ACOT11: variants seen among roughly 807,000 people sequenced by gnomAD.
ACOT11 encodes the protein acyl-coenzyme A thioesterase 11.
Under a neutral mutation model 77.5 loss-of-function variants are expected in ACOT11, and 69 were observed. The ratio of observed to expected loss-of-function variants is 0.89; its 90% CI spans 0.73 to 1.09. The LOEUF is 1.09. ACOT11 is among the 50% of genes least tolerant of loss of function. The pLI, the probability that ACOT11 is intolerant of heterozygous loss-of-function variation, is 0.00. For missense variants in ACOT11, 766 were observed against 813.7 expected, an observed-to-expected ratio of 0.94 and a Z score of 0.71; for synonymous variants, 279 against 313.0, an observed-to-expected ratio of 0.89 and a Z score of 1.15.
intron 1 of ACOT11, among the ~76,000 whole-genome samples, chr1:54,550,110 A>G (rs947872402): frequency 1.6e-4 from 24 of 152,204 alleles, no homozygotes; most frequent in Admixed American, 1.3e-4. Context: ...CCAAGATCAC[A>G]CTGGTAGGAA....
At chr1:54,548,467 C>A in intron 1 of ACOT11, 125 bp downstream of exon 1, 2 of 1,260,264 alleles carry the variant, frequency 1.6e-6, no homozygotes, top group Non-Finnish European at 2.2e-6. Context: ...CATTTTCTAG[C>A]TCTCTTTGGA....
At position 54,610,145 on chromosome 1, in the gene ACOT11, GGCCTTTACCCATGACTCA is replaced by G. The variant is rs1644100510; in HGVS notation, c.*1038_*1055del. On this transcript the variant is annotated 3_prime_UTR_variant, in exon 16 of 16. Transcript: ENST00000343744. Reference sequence around the variant, plus strand: ...ATGAGAAACTCTTGTTTCAGCTCTTGGCCTTTACCCATGACTCAGCCTGGGGGCTGGTGCCGGCCTTGC... The same window carrying G: ...ATGAGAAACTCTTGTTTCAGCTCTTGGCCTGGGGGCTGGTGCCGGCCTTGC... 1.4e-6 allele frequency: 2 copies of G among 1,433,202 alleles called. No homozygotes were observed. The allele number at this position is 1,433,202 out of a possible 1,614,324, so 88.8% of individuals were successfully genotyped here. A position where few individuals can be genotyped will look rare whatever the true frequency, so the allele number is the denominator to read the frequency against.
chr1:54,586,531 A>T (rs1234770699), intron 3 of ACOT11, among the ~76,000 whole-genome samples: 2 of 151,268 alleles, frequency 1.3e-5, no homozygotes, highest in Non-Finnish European at 2.9e-5. Flanking sequence ...TCCTGAGTTT[A>T]AGCAATTCTT....
chr1:54,591,664 C>T (rs1462397875), intron 3 of ACOT11, among the ~76,000 whole-genome samples: 1 of 152,220 alleles, frequency 6.6e-6, no homozygotes, highest in Non-Finnish European at 1.5e-5. Context: ...ACCCTCTGCC[C>T]CCTCCATTAG....
In ACOT11 at chr1:54,610,034, G is replaced by C; in HGVS notation, c.*922G>C. The C allele has an allele frequency of 6.8e-7, 1 of 1,473,602 alleles. No individual in the cohort carries two copies. Among genetic ancestry groups the C allele is most frequent in the Non-Finnish European group, 9.0e-7 (1 of 1,116,430 alleles). 91.3% of individuals were successfully genotyped at this position (1,473,602 alleles called of 1,614,324 possible). A position where few individuals can be genotyped will look rare whatever the true frequency, so the allele number is the denominator to read the frequency against. ...TTAAAGGGGCAGTGGGAGTTATGGG[G>C]TCATCAAGGACCTTGCCTCTCTGGA... On this transcript the variant is annotated 3_prime_UTR_variant, in exon 16 of 16. Transcript: ENST00000343744.
At chr1:54,585,267 A>G (rs1489207722) in intron 2 of ACOT11, among the ~76,000 whole-genome samples, 6 of 152,158 alleles carry the variant, frequency 3.9e-5, no homozygotes, top group African/African-American at 1.4e-4. Flanking sequence ...TCCAACCTAC[A>G]GCGCTCACAG....
At chr1:54,562,685 T>C (rs1377314669) in intron 1 of ACOT11, among the ~76,000 whole-genome samples, 4 of 89,428 alleles carry the variant, frequency 4.5e-5, no homozygotes, top group Non-Finnish European at 6.9e-5. Flanking sequence ...TCCTCACTTC[T>C]CAGACGGGGC....
At chr1:54,633,261 A>C (rs1644311655) in intron 16 of ACOT11, among the ~76,000 whole-genome samples, 1 of 152,332 alleles carries the variant, frequency 6.6e-6, no homozygotes, top group Non-Finnish European at 1.5e-5. Flanking sequence ...TAGAGAAATT[A>C]GTTGCTGAAC....
In ACOT11 at chr1:54,609,777, C is replaced by G. The variant is rs748893680; in HGVS notation, c.*665C>G. 1.9e-6 allele frequency: 3 copies of G among 1,614,042 alleles called. No homozygotes were observed. The highest frequency in any genetic ancestry group is 2.7e-5 in the African/African-American group (2 of 74,946). ...AGGGATGGCCGGAGGGCTGCGGGCT[C>G]CGCTATTTGCAAATGGATGCCCCAG... On this transcript the variant is annotated 3_prime_UTR_variant, in exon 16 of 16. Transcript: ENST00000343744.
At chr1:54,610,656 C>G, downstream of ACOT11, 2 of 1,503,552 alleles carry the variant, frequency 1.3e-6, no homozygotes, top group Non-Finnish European at 1.8e-6. Flanking sequence ...GGCATCCTCT[C>G]TAAGCCTCAT....
chr1:54,626,744 A>G (rs1044084169), intron 15 of ACOT11, among the ~76,000 whole-genome samples: 1 of 135,824 alleles, frequency 7.4e-6, no homozygotes, highest in Non-Finnish European at 1.7e-5. Flanking sequence ...TGAAAGAAAA[A>G]TCAAGAACTT....
chr1:54,594,608 GT>G lies in ACOT11; in HGVS notation c.525del (p.Ser175ArgfsTer90), dbSNP rs756096134. On this transcript the variant is annotated frameshift_variant, in exon 6 of 16. Coordinates refer to ENST00000343744, the MANE Select transcript of ACOT11 (RefSeq NM_147161.4). LOFTEE classifies it high-confidence loss of function. ...PRTEEEKMEH[S>X]VAAERRRMRL... is the part of the protein sequence containing the mutation. ...ACAGAAGAGGAGAAGATGGAGCACA[GT>G]GTGGCGGCTGAGCGCCGGCGCATGC... 3.7e-6 allele frequency: 6 copies of G among 1,614,114 alleles called. No homozygotes were observed. The South Asian group carries it at 6.6e-5, about 18-fold the overall frequency.
chr1:54,603,081 G>A lies in ACOT11; in HGVS notation c.1085+357G>A, dbSNP rs1253800781. 4.6e-5 allele frequency among the ~76,000 whole-genome samples: 7 copies of A among 152,204 alleles called. No homozygotes were observed. The South Asian group carries it at 8.3e-4, about 18-fold the overall frequency. ...AGAGAGGAGATGCAGTTGTTCAAGAGGTAAAGCCACTTTGGGAGGCCGAGG... is the reference window on the plus strand; with the variant it reads ...AGAGAGGAGATGCAGTTGTTCAAGAAGTAAAGCCACTTTGGGAGGCCGAGG... On this transcript the variant is annotated intron_variant, in intron 10 of 15. Coordinates refer to ENST00000343744, the MANE Select transcript of ACOT11 (RefSeq NM_147161.4).
At chr1:54,583,055 G>C (rs1654374722) in intron 1 of ACOT11, among the ~76,000 whole-genome samples, 1 of 152,100 alleles carries the variant, frequency 6.6e-6, no homozygotes, top group Non-Finnish European at 1.5e-5. Context: ...GCACAACCAA[G>C]CGGGAAGTGC....
At chr1:54,600,408 C>T (rs12566802) in intron 8 of ACOT11, among the ~76,000 whole-genome samples, 7,179 of 152,234 alleles carry the variant, frequency 0.047, 290 homozygotes, top group East Asian at 0.17. Flanking sequence ...AGTGGCTGAG[C>T]GCAGTGGCTC....
chr1:54,548,493 AC>A (rs1397752577), intron 1 of ACOT11, 151 bp downstream of exon 1: 5 of 997,504 alleles, frequency 5.0e-6, no homozygotes, highest in Non-Finnish European at 7.4e-6. Flanking sequence ...AAATCGCAGA[AC>A]CCCTGGGCTG....
chr1:54,594,794 A>T (rs1383948768), intron 6 of ACOT11, 103 bp downstream of exon 6: 19 of 1,462,116 alleles, frequency 1.3e-5, no homozygotes, highest in Non-Finnish European at 1.7e-5. Flanking sequence ...GGCTCCGGGG[A>T]CTTCCACCCA....
At chr1:54,610,802 G>A, downstream of ACOT11, 1 of 984,764 alleles carries the variant, frequency 1.0e-6, no homozygotes, top group African/African-American at 1.7e-5. Context: ...TCCAGAGCTG[G>A]TATCCTTCCC....
intron 15 of ACOT11, among the ~76,000 whole-genome samples, chr1:54,621,243 G>A (rs946827319): frequency 2.0e-5 from 3 of 151,468 alleles, no homozygotes; most frequent in Admixed American, 6.6e-5. Flanking sequence ...GATCACCTGA[G>A]TTCAGGAGTT....
Sources: gnomAD v4.1 joint callset for allele counts (sites outside exome capture counted in the v4.1 genomes callset) on GRCh38, gnomAD v4.1.1 for gene constraint, MANE v1.5 for transcripts, NCBI Gene and HGNC (gene_info 2026-07-23, HGNC 2026-07-21) for gene names.